ZFYVE28: variants seen among roughly 807,000 people sequenced by gnomAD.
The protein encoded by ZFYVE28 is lateral signaling target protein 2 homolog.
In ZFYVE28, 40 loss-of-function variants were observed where a neutral mutation model predicts 82.1. The observed-to-expected ratio is 0.49, with a 90% CI of 0.38 to 0.63. The LOEUF is 0.63. ZFYVE28 is among the 30% of genes least tolerant of loss of function. ZFYVE28 has a pLI of 0.00. For synonymous variants in ZFYVE28, 612 were observed against 546.1 expected, an observed-to-expected ratio of 1.12 and a Z score of -1.68; for missense variants, 1,321 against 1,242.1, an observed-to-expected ratio of 1.06 and a Z score of -0.96.
At chr4:2,364,358 G>T in intron 1 of ZFYVE28, 1 of 820,006 alleles carries the variant, frequency 1.2e-6, no homozygotes, top group Non-Finnish European at 1.5e-6. Context: ...GTGTTGTGGG[G>T]CCAGCCAGGC....
chr4:2,331,431 C>T (rs1034836145), intron 6 of ZFYVE28, among the ~76,000 whole-genome samples: 5 of 151,402 alleles, frequency 3.3e-5, no homozygotes, highest in Admixed American at 1.3e-4. Flanking sequence ...TGCTAGAGCC[C>T]GGGAACTCGA....
At chr4:2,322,823 T>C (rs950237643) in intron 6 of ZFYVE28, among the ~76,000 whole-genome samples, 2 of 152,198 alleles carry the variant, frequency 1.3e-5, no homozygotes, top group Admixed American at 1.3e-4. Context: ...GGGTGTTTCA[T>C]ATAAATGGAA....
chr4:2,303,028 A>G (rs1715830822), intron 8 of ZFYVE28, among the ~76,000 whole-genome samples: 1 of 152,176 alleles, frequency 6.6e-6, no homozygotes, highest in Admixed American at 6.5e-5. Context: ...GTTAACAGGA[A>G]ATGTCCAGAA....
rs1412304273 is a variant in ZFYVE28 at position 2,362,774 on chromosome 4, T to C, written c.40-8701A>G. Among the ~76,000 whole-genome samples, 1 of 152,090 alleles carries C rather than the reference T, an allele frequency of 6.6e-6. No homozygotes were observed. Among genetic ancestry groups the C allele is most frequent in the Non-Finnish European group, 1.5e-5 (1 of 68,012 alleles). On this transcript the variant is annotated intron_variant, in intron 1 of 12. Transcript: ENST00000290974. This position sits in a 1 kb window ranked among gnomAD's most constrained non-coding sequence, Gnocchi z 5.1. The stretch of plus-strand genomic sequence containing the variant: ...TTGCTACTGTCTCCCTCCCCATCCA[T>C]CTGTCCCCTTTCTCTGCCCTCCTCT...
intron 8 of ZFYVE28, among the ~76,000 whole-genome samples, chr4:2,283,168 C>T: frequency 6.8e-6 from 1 of 146,562 alleles, no homozygotes; most frequent in South Asian, 2.3e-4. Flanking sequence ...ATCCATCCAT[C>T]CACCCATCCA....
At chr4:2,315,462 C>T (rs541419883) in intron 7 of ZFYVE28, among the ~76,000 whole-genome samples, 4 of 152,018 alleles carry the variant, frequency 2.6e-5, no homozygotes, top group Middle Eastern at 3.4e-3. Context: ...TTAGTAGAGA[C>T]GAGGTTTCAC....
intron 2 of ZFYVE28, among the ~76,000 whole-genome samples, chr4:2,348,992 C>T (rs1269927128): frequency 6.6e-6 from 1 of 152,112 alleles, no homozygotes; most frequent in Non-Finnish European, 1.5e-5. Context: ...CAAACAACCC[C>T]TTGTTTTCTG....
rs1256990738 is a variant in ZFYVE28, at chr4:2,418,112, C to T, written c.39+173G>A. Among the ~76,000 whole-genome samples, 4 of 151,960 alleles carry T rather than the reference C, an allele frequency of 2.6e-5. No individual in the cohort carries two copies. ...GGGAGGTTCGGATCCGCCTCAGAGA[C>T]AGGGCGATGAAGATCTGTCCAAGTC... On this transcript the variant is annotated intron_variant, in intron 1 of 12. Coordinates refer to ENST00000290974, the MANE Select transcript of ZFYVE28 (RefSeq NM_020972.3). The surrounding 1 kb of genome is among the most constrained non-coding windows in gnomAD (Gnocchi z 4.6).
Position 2,339,725 on chromosome 4 carries a change from G to C in ZFYVE28, c.319-70C>G. 1 of 1,445,402 alleles carries C rather than the reference G, an allele frequency of 6.9e-7. No homozygotes were observed. The highest frequency in any genetic ancestry group is 9.2e-7 in the Non-Finnish European group (1 of 1,081,926). The allele number at this position is 1,445,402 out of a possible 1,614,324, so 89.5% of individuals were successfully genotyped here. On this transcript the variant is annotated intron_variant, in intron 3 of 12. Coordinates refer to ENST00000290974, the MANE Select transcript of ZFYVE28 (RefSeq NM_020972.3). The surrounding 1 kb of genome is among the most constrained non-coding windows in gnomAD (Gnocchi z 5.0). ...GGCTCTCAGGGGTCGCCGACCCGGG[G>C]AACCTGACTGCGCACCTCGGGGCCC...
chr4:2,323,960 T>C (rs548478762), intron 6 of ZFYVE28, among the ~76,000 whole-genome samples: 1 of 152,268 alleles, frequency 6.6e-6, no homozygotes, highest in South Asian at 2.1e-4. Context: ...ACAATCACAA[T>C]TTTTAATTTT....
chr4:2,398,094 G>A (rs1308808510), intron 1 of ZFYVE28, among the ~76,000 whole-genome samples: 5 of 152,128 alleles, frequency 3.3e-5, no homozygotes, highest in African/African-American at 9.7e-5. Context: ...GTCCCAACAA[G>A]TGCAGCGTCA....
chr4:2,329,276 T>C (rs1220131678), intron 6 of ZFYVE28: 3 of 446,794 alleles, frequency 6.7e-6, no homozygotes, highest in Non-Finnish European at 1.2e-5. Context: ...TCTTTAATTA[T>C]GTCTTTAATT....
At position 2,418,604 on chromosome 4, in the gene ZFYVE28, G is replaced by T. The variant is rs541110529; in HGVS notation, c.-281C>A. ...GACAGACGCGGGCACGGGGGCGCGC[G>T]GCTCCTCGCTGCTCACTGACACCCA... On this transcript the variant is annotated 5_prime_UTR_variant, in exon 1 of 13. Transcript: ENST00000290974. The surrounding 1 kb of genome is among the most constrained non-coding windows in gnomAD (Gnocchi z 4.6). 6.5e-6 allele frequency: 1 copy of T among 152,724 alleles called. No individual in the cohort carries two copies. The highest frequency in any genetic ancestry group is 1.4e-5 in the Non-Finnish European group (1 of 69,474). The allele number at this position is 152,724 out of a possible 1,614,324, so 9.5% of individuals were successfully genotyped here. A position where few individuals can be genotyped will look rare whatever the true frequency, so the allele number is the denominator to read the frequency against.
intron 1 of ZFYVE28, among the ~76,000 whole-genome samples, chr4:2,407,112 A>C: frequency 9.1e-6 from 1 of 110,032 alleles, no homozygotes. Context: ...TCCCTCCCCG[A>C]CTCCTGGGCC....
rs1718935799 is a variant in ZFYVE28, at chr4:2,320,596, C to T, written c.702-325G>A. Among the ~76,000 whole-genome samples the T allele has an allele frequency of 6.6e-6, 1 of 152,228 alleles. No homozygotes were observed. The highest frequency in any genetic ancestry group is 2.4e-5 in the African/African-American group (1 of 41,458). ...ATAAATTAGCCTCAAGGTTTGTTAC[C>T]AAAATCTACCTTCTTGCAAGTAATA... On this transcript the variant is annotated intron_variant, in intron 6 of 12. Transcript: ENST00000290974. This position sits in a 1 kb window ranked among gnomAD's most constrained non-coding sequence, Gnocchi z 5.1.
At chr4:2,337,009 G>GGAATGAT (rs1721910625) in intron 5 of ZFYVE28, among the ~76,000 whole-genome samples, 1 of 151,710 alleles carries the variant, frequency 6.6e-6, no homozygotes, top group Non-Finnish European at 1.5e-5. Context: ...GGGGAAGTGA[G>GGAATGAT]GAGGTGAGGA....
intron 1 of ZFYVE28, among the ~76,000 whole-genome samples, chr4:2,373,391 C>T (rs966063221): frequency 5.9e-5 from 9 of 151,982 alleles, no homozygotes; most frequent in Admixed American, 2.0e-4. Context: ...CCCAGCTACT[C>T]GGGAGGCTGA....
chr4:2,365,047 G>A (rs2108898029), intron 1 of ZFYVE28, among the ~76,000 whole-genome samples: 1 of 152,086 alleles, frequency 6.6e-6, no homozygotes, highest in Non-Finnish European at 1.5e-5. Flanking sequence ...GTGGAGGGGG[G>A]CGGTCCAGGC....
chr4:2,274,907 C>T (rs925957826), intron 8 of ZFYVE28, among the ~76,000 whole-genome samples: 23 of 135,536 alleles, frequency 1.7e-4, no homozygotes, highest in Middle Eastern at 3.6e-3. Flanking sequence ...AGCCTGCAGA[C>T]GGAGTGAGGT....
Sources: gnomAD v4.1 joint callset for allele counts (sites outside exome capture counted in the v4.1 genomes callset) on GRCh38, gnomAD v4.1.1 for gene constraint, Gnocchi (gnomAD v3.1) non-coding constraint, MANE v1.5 for transcripts, NCBI Gene and HGNC (gene_info 2026-07-23, HGNC 2026-07-21) for gene names.